The following RBFOX1 variants were observed in gnomAD, a reference collection of about 807,000 sequenced individuals.
The protein encoded by RBFOX1 is RNA binding protein fox-1 homolog 1.
RBFOX1 carries 8 observed loss-of-function variants against 57.7 expected under a neutral mutation model. The ratio of observed to expected loss-of-function variants is 0.14; its 90% CI spans 0.08 to 0.25. RBFOX1 has a LOEUF of 0.25. Ranked by LOEUF, RBFOX1 falls within the 10% of genes least tolerant of loss-of-function variation. The pLI is 1.00. For missense variants in RBFOX1, 611 were observed against 548.5 expected, an observed-to-expected ratio of 1.11 and a Z score of -1.14; for synonymous variants, 326 against 222.4, an observed-to-expected ratio of 1.47 and a Z score of -4.15.
chr16:5,695,578 C>T (rs1296597702), intron 3 of RBFOX1, among the ~76,000 whole-genome samples: 2 of 152,184 alleles, frequency 1.3e-5, no homozygotes, highest in African/African-American at 2.4e-5. Flanking sequence ...ATTGCTAAAA[C>T]TTGGAAAATC....
At chr16:6,609,271 AG>A (rs1368924806) in intron 2 of RBFOX1, among the ~76,000 whole-genome samples, 2 of 152,210 alleles carry the variant, frequency 1.3e-5, no homozygotes, top group African/African-American at 4.8e-5. Context: ...TTCTTAGCAC[AG>A]TGGCTGGGTA....
At chr16:6,209,132 C>G (rs555400941) in intron 1 of RBFOX1, among the ~76,000 whole-genome samples, 8 of 152,266 alleles carry the variant, frequency 5.3e-5, no homozygotes, top group East Asian at 3.9e-4. Flanking sequence ...CAGGAGAAGT[C>G]TCAGCATTTA....
intron 1 of RBFOX1, among the ~76,000 whole-genome samples, chr16:5,341,117 C>T (rs1441092903): frequency 1.3e-5 from 2 of 152,032 alleles, no homozygotes; most frequent in Admixed American, 1.3e-4. Flanking sequence ...TTGCAGGAGA[C>T]CAAGGATGCC....
At chr16:5,691,684 A>G (rs1717549503) in intron 3 of RBFOX1, among the ~76,000 whole-genome samples, 1 of 152,206 alleles carries the variant, frequency 6.6e-6, no homozygotes, top group Non-Finnish European at 1.5e-5. Flanking sequence ...AGATTTTGGG[A>G]AATTGTGGAT....
intron 3 of RBFOX1, among the ~76,000 whole-genome samples, chr16:6,869,222 C>G (rs116628292): frequency 2.0e-5 from 3 of 152,194 alleles, no homozygotes; most frequent in Non-Finnish European, 2.9e-5. Context: ...ATCAGCAACA[C>G]TTGCTGACCA....
At chr16:6,055,553 A>G (rs1027514845) in intron 1 of RBFOX1, among the ~76,000 whole-genome samples, 3 of 138,104 alleles carry the variant, frequency 2.2e-5, no homozygotes, top group Non-Finnish European at 4.5e-5. Flanking sequence ...AGATCGCACC[A>G]CTGCACTCCA....
At chr16:6,798,935 G>A (rs1302100723) in intron 3 of RBFOX1, among the ~76,000 whole-genome samples, 3 of 152,150 alleles carry the variant, frequency 2.0e-5, no homozygotes, top group Non-Finnish European at 2.9e-5. Context: ...AATATCTCAA[G>A]TTTCTCTTCA....
intron 3 of RBFOX1, among the ~76,000 whole-genome samples, chr16:5,725,658 A>C (rs1039929482): frequency 1.3e-5 from 2 of 151,630 alleles, no homozygotes; most frequent in South Asian, 4.2e-4. Flanking sequence ...TTTCCATATA[A>C]GGAGAATCAG....
intron 3 of RBFOX1, among the ~76,000 whole-genome samples, chr16:5,704,295 C>G (rs917737857): frequency 6.6e-6 from 1 of 152,080 alleles, no homozygotes; most frequent in East Asian, 1.9e-4. Context: ...TCTGGAGGAA[C>G]TCTGGAGCCT....
At chr16:6,788,394 T>C (rs2082321641) in intron 3 of RBFOX1, among the ~76,000 whole-genome samples, 4 of 152,156 alleles carry the variant, frequency 2.6e-5, no homozygotes, top group Middle Eastern at 3.4e-3. Flanking sequence ...TAATAATTAT[T>C]ATCGTCTCTC....
At chr16:5,457,017 G>C (rs1442044796) in intron 1 of RBFOX1, among the ~76,000 whole-genome samples, 1 of 152,202 alleles carries the variant, frequency 6.6e-6, no homozygotes, top group African/African-American at 2.4e-5. Context: ...TCTAAAGGCT[G>C]GGAATTCCAA....
chr16:6,785,540 C>G (rs531250538), intron 3 of RBFOX1, among the ~76,000 whole-genome samples: 11 of 152,166 alleles, frequency 7.2e-5, no homozygotes, highest in Non-Finnish European at 1.3e-4. Flanking sequence ...GCAGTAGTTC[C>G]TCTTACCACT....
chr16:6,439,194 G>A (rs2094313748), intron 2 of RBFOX1, among the ~76,000 whole-genome samples: 2 of 152,292 alleles, frequency 1.3e-5, no homozygotes, highest in South Asian at 2.1e-4. Flanking sequence ...GTTGCATACA[G>A]GCAGTGATGA....
At chr16:6,540,753 C>T (rs2096804145) in intron 2 of RBFOX1, among the ~76,000 whole-genome samples, 1 of 151,888 alleles carries the variant, frequency 6.6e-6, no homozygotes, top group South Asian at 2.1e-4. Flanking sequence ...TATTAACTTA[C>T]CTAATTATTC....
chr16:6,941,292 CTCCCTCCCTCCTTCCTTCCT>C lies in RBFOX1; in HGVS notation c.-15-110761_-15-110742del, dbSNP rs1228756864. ...CTCTCTCCCTCCCTTCCCTCCTTCC[CTCCCTCCCTCCTTCCTTCCT>C]TCCTTCCTTCCTTCCTTCCTTCCTT... On this transcript the variant is annotated intron_variant, in intron 3 of 15. Transcript: ENST00000550418. 6.3e-3 allele frequency among the ~76,000 whole-genome samples: 503 copies of C among 80,116 alleles called. 8 individuals are homozygous for C. The highest frequency in any genetic ancestry group is 0.024 in the African/African-American group (471 of 19,428). 52.6% of individuals were successfully genotyped at this position (80,116 alleles called of 152,430 possible).
At chr16:6,695,376 G>A (rs777484529) in intron 3 of RBFOX1, among the ~76,000 whole-genome samples, 12 of 132,912 alleles carry the variant, frequency 9.0e-5, no homozygotes, top group Non-Finnish European at 1.5e-4. Context: ...AGATTGCGCC[G>A]CTTCACTCCA....
chr16:6,681,919 C>G (rs1043481334), intron 3 of RBFOX1, among the ~76,000 whole-genome samples: 1 of 152,112 alleles, frequency 6.6e-6, no homozygotes, highest in African/African-American at 2.4e-5. Context: ...TGTGAAAAGT[C>G]AAGTATGTCC....
intron 3 of RBFOX1, among the ~76,000 whole-genome samples, chr16:5,816,299 C>G (rs1413204562): frequency 2.0e-5 from 3 of 152,174 alleles, no homozygotes; most frequent in Non-Finnish European, 4.4e-5. Flanking sequence ...TAGGAAGATT[C>G]TCTAACTGCC....
intron 4 of RBFOX1, among the ~76,000 whole-genome samples, chr16:7,420,934 T>C (rs2098536117): frequency 6.9e-6 from 1 of 145,306 alleles, no homozygotes; most frequent in African/African-American, 2.6e-5. Flanking sequence ...TACACATATA[T>C]ATATACACAC....
Sources: gnomAD v4.1 joint callset for allele counts (sites outside exome capture counted in the v4.1 genomes callset) on GRCh38, gnomAD v4.1.1 for gene constraint, MANE v1.5 for transcripts, NCBI Gene and HGNC (gene_info 2026-07-23, HGNC 2026-07-21) for gene names.